The following CIT variants were observed in gnomAD, a reference collection of about 807,000 sequenced individuals.
CIT encodes the protein citron Rho-interacting kinase.
CIT carries 79 observed loss-of-function variants against 272.7 expected under a neutral mutation model. The observed-to-expected ratio is 0.29, with a 90% CI of 0.24 to 0.35. The LOEUF is 0.35. CIT is among the 10% of genes least tolerant of loss of function. CIT has a pLI of 1.00. For synonymous variants in CIT, 948 were observed against 995.6 expected, an observed-to-expected ratio of 0.95 and a Z score of 0.90; for missense variants, 1,909 against 2,618.3, an observed-to-expected ratio of 0.73 and a Z score of 5.91.
chr12:119,787,730 CAAAAA>C (rs61554565), intron 10 of CIT, among the ~76,000 whole-genome samples: 1 of 49,062 alleles, frequency 2.0e-5, no homozygotes, highest in East Asian at 6.9e-4. Context: ...GACTCCGTCT[CAAAAA>C]AAAAAAAAAA....
At chr12:119,789,798 C>T (rs1243903583) in intron 10 of CIT, among the ~76,000 whole-genome samples, 1 of 152,164 alleles carries the variant, frequency 6.6e-6, no homozygotes, top group African/African-American at 2.4e-5. Context: ...CCTCCACCTC[C>T]CGGGTTCAAG....
intron 26 of CIT, among the ~76,000 whole-genome samples, chr12:119,733,650 C>T (rs1014108568): frequency 1.3e-5 from 2 of 151,974 alleles, no homozygotes; most frequent in Non-Finnish European, 2.9e-5. Context: ...TTTGTTGTCA[C>T]AACGTGGGAA....
rs1381072888 is a variant in CIT, at chr12:119,877,311, C to G, written c.-76G>C. On this transcript the variant is annotated 5_prime_UTR_variant, in exon 1 of 48. Transcript: ENST00000392521. Reference sequence around the variant, plus strand: ...CGCGCCTCCCGCCGCCGCGTTTGAACCCGAGGAACGGCGCGGGCGGGTCTC... The same window carrying G: ...CGCGCCTCCCGCCGCCGCGTTTGAAGCCGAGGAACGGCGCGGGCGGGTCTC... The G allele has an allele frequency of 6.6e-6, 1 of 152,380 alleles. No homozygotes were observed. Among genetic ancestry groups the G allele is most frequent in the Non-Finnish European group, 1.5e-5 (1 of 68,154 alleles). The allele number at this position is 152,380 out of a possible 1,614,324, so 9.4% of individuals were successfully genotyped here. A position where few individuals can be genotyped will look rare whatever the true frequency, so the allele number is the denominator to read the frequency against.
intron 23 of CIT, chr12:119,742,866 GACACACACACAC>G (rs56003708): frequency 4.0e-5 from 6 of 151,754 alleles, no homozygotes; most frequent in Admixed American, 6.6e-5. Flanking sequence ...CCTACTCCCT[GACACACACACAC>G]ACACACACAC....
chr12:119,701,781 C>T, intron 42 of CIT, 29 bp from the exon 43 acceptor site: 1 of 1,614,212 alleles, frequency 6.2e-7, no homozygotes, highest in Non-Finnish European at 8.5e-7. Context: ...AGCGGGGCTT[C>T]AGGAGTGAGT....
intron 4 of CIT, among the ~76,000 whole-genome samples, chr12:119,851,066 G>A (rs1369677591): frequency 2.6e-5 from 4 of 152,176 alleles, no homozygotes; most frequent in Non-Finnish European, 5.9e-5. Context: ...CTGGGGGCAC[G>A]GGTGTGAACT....
chr12:119,740,249 T>C (rs1958991757), intron 24 of CIT, among the ~76,000 whole-genome samples: 1 of 152,206 alleles, frequency 6.6e-6, no homozygotes, highest in African/African-American at 2.4e-5. Context: ...TAGAGTTACA[T>C]GAGAAAGTAA....
At chr12:119,734,139 G>C (rs766102299) in intron 26 of CIT, 25 bp downstream of exon 26, 2 of 1,610,488 alleles carry the variant, frequency 1.2e-6, no homozygotes, top group African/African-American at 1.3e-5. Flanking sequence ...CCTGTCATGA[G>C]CTTTCCACAA....
chr12:119,746,605 C>A (rs1229049616), intron 23 of CIT, among the ~76,000 whole-genome samples: 2 of 152,176 alleles, frequency 1.3e-5, no homozygotes, highest in African/African-American at 4.8e-5. Flanking sequence ...TAACACAGCA[C>A]CATTAAAAAC....
rs112848856 is a variant in CIT at position 119,841,636 on chromosome 12, G to A, written c.517-7408C>T. Among the ~76,000 whole-genome samples the A allele has an allele frequency of 1.0e-3, 154 of 152,294 alleles. 1 individual carries two copies. Among genetic ancestry groups the A allele is most frequent in the African/African-American group, 3.4e-3 (142 of 41,560 alleles). Reference sequence around the variant, plus strand: ...GCTAGACGTGCAGTCACATGACTACGTTCTGGCCGAGAAAATGTGAGAGGA... The same window carrying A: ...GCTAGACGTGCAGTCACATGACTACATTCTGGCCGAGAAAATGTGAGAGGA... On this transcript the variant is annotated intron_variant, in intron 5 of 47. Coordinates refer to ENST00000392521, the MANE Select transcript of CIT (RefSeq NM_001206999.2).
At chr12:119,841,922 T>C (rs1969436868) in intron 5 of CIT, among the ~76,000 whole-genome samples, 1 of 152,182 alleles carries the variant, frequency 6.6e-6, no homozygotes, top group Non-Finnish European at 1.5e-5. Flanking sequence ...GCTAAGCATG[T>C]ACCTTAGCTA....
At chr12:119,846,305 T>C (rs931892351) in intron 5 of CIT, among the ~76,000 whole-genome samples, 1 of 152,146 alleles carries the variant, frequency 6.6e-6, no homozygotes, top group African/African-American at 2.4e-5. Context: ...TCAAAATCTG[T>C]CAGTGCCTCT....
chr12:119,829,195 A>G (rs1392576643), intron 7 of CIT, among the ~76,000 whole-genome samples: 1 of 152,066 alleles, frequency 6.6e-6, no homozygotes, highest in Non-Finnish European at 1.5e-5. Flanking sequence ...AAAATTAGCC[A>G]GGCATGGTGG....
intron 5 of CIT, among the ~76,000 whole-genome samples, chr12:119,843,192 T>G (rs543649871): frequency 6.6e-6 from 1 of 151,738 alleles, no homozygotes; most frequent in Non-Finnish European, 1.5e-5. Flanking sequence ...GATGTTAAGG[T>G]AGAAAGAGAG....
Position 119,768,950 on chromosome 12 carries a change from A to G in CIT, c.2209-1768T>C, listed in dbSNP as rs1407947365. 6.6e-6 allele frequency among the ~76,000 whole-genome samples: 1 copy of G among 152,214 alleles called. No individual in the cohort carries two copies. Among genetic ancestry groups the G allele is most frequent in the Non-Finnish European group, 1.5e-5 (1 of 68,046 alleles). ...TTGCAGCCTAAGCACAGGGTTCTTG[A>G]GCAAAAGGCACCTTCTAATAAATGA... On this transcript the variant is annotated intron_variant, in intron 18 of 47. Coordinates refer to ENST00000392521, the MANE Select transcript of CIT (RefSeq NM_001206999.2). The surrounding 1 kb of genome is among the most constrained non-coding windows in gnomAD (Gnocchi z 4.3).
chr12:119,765,390 A>G (rs1229893183), intron 19 of CIT, among the ~76,000 whole-genome samples: 2 of 145,800 alleles, frequency 1.4e-5, no homozygotes, highest in East Asian at 3.9e-4. Flanking sequence ...AATATATATT[A>G]TAATATATAT....
Position 119,771,861 on chromosome 12 carries a change from G to A in CIT, c.2082+909C>T, listed in dbSNP as rs563808558. Among the ~76,000 whole-genome samples, 21 of 152,280 alleles carry A rather than the reference G, an allele frequency of 1.4e-4. 1 individual carries two copies. The South Asian group carries it at 2.9e-3, about 21-fold the overall frequency. ...CTGAATAGCGGGGTCCAGAGAAAACGAAATGACACCAAAGTTTCAAGCCTG... is the reference window on the plus strand; with the variant it reads ...CTGAATAGCGGGGTCCAGAGAAAACAAAATGACACCAAAGTTTCAAGCCTG... On this transcript the variant is annotated intron_variant, in intron 17 of 47. Coordinates refer to ENST00000392521, the MANE Select transcript of CIT (RefSeq NM_001206999.2).
chr12:119,715,542 G>A (rs1957411997), intron 32 of CIT, among the ~76,000 whole-genome samples: 1 of 152,060 alleles, frequency 6.6e-6, no homozygotes, highest in Non-Finnish European at 1.5e-5. Context: ...AAGGAGAATG[G>A]CGGGGGACTG....
intron 4 of CIT, 72 bp from the exon 5 acceptor site, chr12:119,850,347 T>G (rs1182533091): frequency 1.4e-5 from 13 of 906,340 alleles, no homozygotes; most frequent in Admixed American, 2.1e-5. Context: ...TTCCTCTGTC[T>G]TTATGCCTAA....
Sources: allele counts gnomAD v4.1 joint callset (sites outside exome capture counted in the v4.1 genomes callset), GRCh38; gene constraint gnomAD v4.1.1; non-coding constraint Gnocchi (gnomAD v3.1); transcripts MANE v1.5; gene names NCBI Gene and HGNC (gene_info 2026-07-23, HGNC 2026-07-21).